TMTC1: variants seen among roughly 807,000 people sequenced by gnomAD.
TMTC1 encodes the protein protein O-mannosyl-transferase TMTC1.
In TMTC1, 73 loss-of-function variants were observed where a neutral mutation model predicts 104.8. The ratio of observed to expected loss-of-function variants is 0.70; its 90% confidence interval spans 0.58 to 0.85. The LOEUF (loss-of-function observed/expected upper bound fraction) is 0.85, where lower values mean the gene tolerates loss of function less well. Among genes scored for constraint, TMTC1 ranks in the 40% least tolerant of loss-of-function variants. The pLI is 0.00. For synonymous variants in TMTC1, 434 were observed against 428.7 expected (o/e 1.01, Z -0.15); for missense variants, 1,035 against 1,096.1 (o/e 0.94, Z 0.79).
At chr12:29,740,713 G>T (rs898221403) in intron 5 of TMTC1, among the ~76,000 whole-genome samples, 1 of 152,154 alleles carries the variant, frequency 6.6e-6, no homozygotes, top group African/African-American at 2.4e-5. Context: ...AGGCTCAAGT[G>T]ATCTTACCTC....
intron 8 of TMTC1, among the ~76,000 whole-genome samples, chr12:29,573,490 G>T (rs1020781409): frequency 2.0e-5 from 3 of 152,152 alleles, no homozygotes; most frequent in Non-Finnish European, 2.9e-5. Flanking sequence ...CCAGCCCTCA[G>T]GGAGTTTATG....
Position 29,632,053 on chromosome 12 carries a change from G to A in TMTC1, c.1128+1094C>T, listed in dbSNP as rs568711124. On this transcript the variant is annotated intron_variant, in intron 6 of 17. Coordinates refer to ENST00000539277, the MANE Select transcript of TMTC1 (RefSeq NM_001193451.2). ...CATTTAACAGCCACGAATGCATGGAGAGTATATTACCTCTGCCCTTTCATA... is the reference window on the plus strand; with the variant it reads ...CATTTAACAGCCACGAATGCATGGAAAGTATATTACCTCTGCCCTTTCATA... Among the ~76,000 whole-genome samples, 3 of 152,302 alleles carry A rather than the reference G, an allele frequency of 2.0e-5. 1 individual carries two copies. The highest frequency in any genetic ancestry group is 4.8e-5 in the African/African-American group (2 of 41,572).
At chr12:29,590,122 T>C (rs1946240541) in intron 7 of TMTC1, among the ~76,000 whole-genome samples, 1 of 151,142 alleles carries the variant, frequency 6.6e-6, no homozygotes, top group African/African-American at 2.4e-5. Context: ...CATGGCTGTG[T>C]AAAATTTATT....
At chr12:29,593,825 G>C (rs756680720) in intron 7 of TMTC1, among the ~76,000 whole-genome samples, 1 of 152,198 alleles carries the variant, frequency 6.6e-6, no homozygotes, top group African/African-American at 2.4e-5. Flanking sequence ...AGTTCAAGCA[G>C]GTTCTTTTTA....
chr12:29,620,874 T>C (rs1348008510), intron 6 of TMTC1, among the ~76,000 whole-genome samples: 2 of 152,152 alleles, frequency 1.3e-5, no homozygotes, highest in Non-Finnish European at 2.9e-5. Flanking sequence ...GCTGGTCAAG[T>C]CTCAGACAGA....
At chr12:29,517,262 G>T (rs1357775559) in intron 14 of TMTC1, among the ~76,000 whole-genome samples, 165 bp downstream of exon 14, 2 of 152,104 alleles carry the variant, frequency 1.3e-5, no homozygotes, top group Non-Finnish European at 2.9e-5. Context: ...CAGTATTTTT[G>T]GTGTCCATGT....
chr12:29,766,650 C>G (rs1190547688), intron 2 of TMTC1, among the ~76,000 whole-genome samples: 8 of 152,108 alleles, frequency 5.3e-5, no homozygotes, highest in Non-Finnish European at 1.2e-4. Context: ...TTAAAATGAG[C>G]AGAGGGCAAC....
At chr12:29,513,742 C>A (rs964787004) in intron 16 of TMTC1, among the ~76,000 whole-genome samples, 8 of 151,986 alleles carry the variant, frequency 5.3e-5, no homozygotes, top group African/African-American at 1.9e-4. Flanking sequence ...AAGTTTTATT[C>A]CAAAACCATA....
intron 9 of TMTC1, among the ~76,000 whole-genome samples, chr12:29,571,071 T>G (rs1422091348): frequency 6.6e-6 from 1 of 152,094 alleles, no homozygotes; most frequent in Admixed American, 6.5e-5. Flanking sequence ...TTTAATGAAA[T>G]GCATGATTTG....
intron 8 of TMTC1, among the ~76,000 whole-genome samples, chr12:29,581,903 C>A (rs762997487): frequency 1.1e-4 from 17 of 151,906 alleles, no homozygotes; most frequent in Non-Finnish European, 2.5e-4. Flanking sequence ...CTGTGAGAAT[C>A]GTGTTTAATA....
At chr12:29,775,636 G>A (rs1943690388) in intron 1 of TMTC1, among the ~76,000 whole-genome samples, 1 of 152,120 alleles carries the variant, frequency 6.6e-6, no homozygotes, top group South Asian at 2.1e-4. Flanking sequence ...ACCTACCAGG[G>A]AAGTTCAAGC....
At chr12:29,656,241 A>C (rs768965862) in intron 5 of TMTC1, among the ~76,000 whole-genome samples, 1 of 152,060 alleles carries the variant, frequency 6.6e-6, no homozygotes, top group Non-Finnish European at 1.5e-5. Flanking sequence ...CTAGGTGCTC[A>C]AAAGAGTCAA....
chr12:29,760,194 C>A (rs1331664697), intron 2 of TMTC1, among the ~76,000 whole-genome samples: 1 of 152,124 alleles, frequency 6.6e-6, no homozygotes, highest in Non-Finnish European at 1.5e-5. Context: ...ATTCTCAGAA[C>A]ATGTCCCCAT....
At chr12:29,714,221 C>T (rs961002467) in intron 5 of TMTC1, among the ~76,000 whole-genome samples, 7 of 152,130 alleles carry the variant, frequency 4.6e-5, no homozygotes, top group African/African-American at 1.7e-4. Flanking sequence ...CCAAAAATGA[C>T]GTTTTGTTAA....
chr12:29,764,950 T>C (rs1204085274), intron 2 of TMTC1, among the ~76,000 whole-genome samples: 1 of 152,208 alleles, frequency 6.6e-6, no homozygotes, highest in Non-Finnish European at 1.5e-5. Context: ...TACCTCTGAA[T>C]TGAAACTGTT....
At chr12:29,560,213 C>T (rs1402277021) in intron 9 of TMTC1, among the ~76,000 whole-genome samples, 1 of 152,194 alleles carries the variant, frequency 6.6e-6, no homozygotes, top group East Asian at 1.9e-4. Flanking sequence ...TTATTCCCTT[C>T]CCCGTCCAGA....
intron 10 of TMTC1, among the ~76,000 whole-genome samples, chr12:29,538,936 G>C (rs1431395374): frequency 6.6e-6 from 1 of 152,204 alleles, no homozygotes; most frequent in Non-Finnish European, 1.5e-5. Flanking sequence ...GCCGCTGAGT[G>C]TCATTAAGCA....
chr12:29,695,790 T>TA (rs1941398893), intron 5 of TMTC1, among the ~76,000 whole-genome samples: 1 of 106,656 alleles, frequency 9.4e-6, no homozygotes, highest in East Asian at 2.5e-4. Flanking sequence ...AACTACTTCC[T>TA]TTTTATATAT....
chr12:29,718,804 G>A (rs759882775), intron 5 of TMTC1, among the ~76,000 whole-genome samples: 1 of 151,880 alleles, frequency 6.6e-6, no homozygotes, highest in Non-Finnish European at 1.5e-5. Context: ...GTGGTGACGG[G>A]TGCCTGTAGT....
Sources: allele counts gnomAD v4.1 joint callset (sites outside exome capture counted in the v4.1 genomes callset), GRCh38; gene constraint gnomAD v4.1.1; transcripts MANE v1.5; gene names NCBI Gene and HGNC (gene_info 2026-07-23, HGNC 2026-07-21).